The following WDR36 variants were observed in gnomAD, a reference collection of about 807,000 sequenced individuals.
WDR36 encodes the protein WD repeat domain 36.
Under a neutral mutation model 112.7 loss-of-function variants are expected in WDR36, and 63 were observed. The ratio of observed to expected loss-of-function variants is 0.56; its 90% CI spans 0.46 to 0.69. The LOEUF (loss-of-function observed/expected upper bound fraction) is 0.69, where lower values mean the gene tolerates loss of function less well. WDR36 is among the 30% of genes least tolerant of loss of function. The pLI, the probability that WDR36 is intolerant of heterozygous loss-of-function variation, is 0.00. For synonymous variants in WDR36, 410 were observed against 362.2 expected (o/e 1.13, Z -1.50); for missense variants, 1,226 against 1,070.3 (o/e 1.15, Z -2.03).
At chr5:111,120,711 A>G (rs1753546625) in intron 18 of WDR36, 118 bp downstream of exon 18, 17 of 895,936 alleles carry the variant, frequency 1.9e-5, no homozygotes, top group Non-Finnish European at 3.1e-5. Flanking sequence ...TAACTGATAT[A>G]AAAGACTTTG....
In WDR36 at chr5:111,113,921, A is replaced by G. The variant is rs546584031; in HGVS notation, c.1796+768A>G. ...CATTAATGAGGACAGAGTCCTCATG[A>G]TCCAATCACCTCTTAAAGGCACTCC... On this transcript the variant is annotated intron_variant, in intron 16 of 22. Transcript: ENST00000513710. Among the ~76,000 whole-genome samples, 120 of 152,312 alleles carry G rather than the reference A, an allele frequency of 7.9e-4. 1 individual carries two copies. Among genetic ancestry groups the G allele is most frequent in the African/African-American group, 2.9e-3 (120 of 41,578 alleles).
intron 19 of WDR36, among the ~76,000 whole-genome samples, chr5:111,122,496 T>A (rs1474041713): frequency 6.6e-6 from 1 of 152,202 alleles, no homozygotes; most frequent in Non-Finnish European, 1.5e-5. Flanking sequence ...TAAGACTAGA[T>A]AATTTCCAGG....
Position 111,130,048 on chromosome 5 carries a change from G to A in WDR36, c.*3165G>A. ...ATTACTTTGGTATGTTCTCAGATTTGGGTAAAGCCTTCCTCATGTTCTATA... is the reference window on the plus strand; with the variant it reads ...ATTACTTTGGTATGTTCTCAGATTTAGGTAAAGCCTTCCTCATGTTCTATA... On this transcript the variant is annotated 3_prime_UTR_variant, in exon 23 of 23. Transcript: ENST00000513710. 1 of 212,230 alleles carries A rather than the reference G, an allele frequency of 4.7e-6. No individual in the cohort carries two copies. Among genetic ancestry groups the A allele is most frequent in the Non-Finnish European group, 9.5e-6 (1 of 104,816 alleles). 13.1% of individuals were successfully genotyped at this position (212,230 alleles called of 1,614,324 possible).
At chr5:111,102,457 T>G (rs1274514344) in intron 6 of WDR36, 58 bp downstream of exon 6, 1 of 1,509,256 alleles carries the variant, frequency 6.6e-7, no homozygotes, top group African/African-American at 1.4e-5. Context: ...ATCCTTCAGT[T>G]TCAGGAATCA....
chr5:111,129,605 T>C lies in WDR36; in HGVS notation c.*2722T>C, dbSNP rs1449244888. 1 of 205,350 alleles carries C rather than the reference T, an allele frequency of 4.9e-6. No individual in the cohort carries two copies. Among genetic ancestry groups the C allele is most frequent in the Non-Finnish European group, 1.0e-5 (1 of 100,482 alleles). 12.7% of individuals were successfully genotyped at this position (205,350 alleles called of 1,614,324 possible). A position where few individuals can be genotyped will look rare whatever the true frequency, so the allele number is the denominator to read the frequency against. On this transcript the variant is annotated 3_prime_UTR_variant, in exon 23 of 23. Coordinates refer to ENST00000513710, the MANE Select transcript of WDR36 (RefSeq NM_139281.3). Reference sequence around the variant, plus strand: ...GATTTGTTAGGAGTTCTCTTGTATTTTCTGTATTTTATGTCTGTTGCCAAT... The same window carrying C: ...GATTTGTTAGGAGTTCTCTTGTATTCTCTGTATTTTATGTCTGTTGCCAAT...
At position 111,110,340 on chromosome 5, in the gene WDR36, A is replaced by G. The variant is rs60164325; in HGVS notation, c.1441+37A>G. 6 of 1,504,066 alleles carry G rather than the reference A, an allele frequency of 4.0e-6. No homozygotes were observed. In the African/African-American group the frequency reaches 5.5e-5, roughly 14 times the overall value. The allele number at this position is 1,504,066 out of a possible 1,614,324, so 93.2% of individuals were successfully genotyped here. A position where few individuals can be genotyped will look rare whatever the true frequency, so the allele number is the denominator to read the frequency against. ...TTTTCCTTGTTTTTTATTAATGTAG[A>G]TAGATACAAAACTAGTAGTGAAAGC... On this transcript the variant is annotated intron_variant, in intron 13 of 22. Transcript: ENST00000513710.
chr5:111,098,767 C>G lies in WDR36; in HGVS notation c.337C>G (p.Gln113Glu), dbSNP rs749857706. 5 of 1,612,634 alleles carry G rather than the reference C, an allele frequency of 3.1e-6. No individual in the cohort carries two copies. The highest frequency in any genetic ancestry group is 2.5e-6 in the Non-Finnish European group (3 of 1,179,030). Residue 113 changes from glutamine to glutamate, a missense_variant, in exon 4 of 23, where the codon CAA (glutamine) becomes GAA (glutamate). Gln to Glu is a conservative substitution (Grantham distance 29). Transcript: ENST00000513710. ...TCATAAGGCAGAAATCCATTTCTTG[C>G]AACCCTTTGGAGACCACATTATCTC... is the stretch of plus-strand genomic sequence containing the variant. ...KGHKAEIHFL[Q>E]PFGDHIISVD... is the part of the protein sequence containing the mutation.
At chr5:111,108,324 A>G (rs1048931889) in intron 12 of WDR36, among the ~76,000 whole-genome samples, 2 of 151,054 alleles carry the variant, frequency 1.3e-5, no homozygotes, top group Non-Finnish European at 3.0e-5. Flanking sequence ...TGATTTTTGC[A>G]TTATTGATCT....
At chr5:111,109,391 C>A (rs1753281619) in intron 12 of WDR36, among the ~76,000 whole-genome samples, 1 of 151,202 alleles carries the variant, frequency 6.6e-6, no homozygotes, top group East Asian at 1.9e-4. Flanking sequence ...TTATGTGATG[C>A]AATGTAAATA....
At chr5:111,096,292 G>A (rs1752978151) in intron 2 of WDR36, among the ~76,000 whole-genome samples, 1 of 152,134 alleles carries the variant, frequency 6.6e-6, no homozygotes, top group Admixed American at 6.5e-5. Flanking sequence ...TTAGGAATAG[G>A]CATATAGAAT....
chr5:111,106,796 T>A (rs552969043), intron 11 of WDR36, among the ~76,000 whole-genome samples: 1 of 151,512 alleles, frequency 6.6e-6, no homozygotes, highest in South Asian at 2.1e-4. Flanking sequence ...CCCTTTGTAG[T>A]GTGGTCCTGA....
Position 111,100,718 on chromosome 5 carries a change from C to A in WDR36, c.539C>A (p.Ser180Tyr). Reference protein sequence around the residue: ...QGSLQLWNVKSNKLLYTFPGW... With the variant: ...QGSLQLWNVKYNKLLYTFPGW... ...AGCCTGCAGTTGTGGAATGTAAAAT[C>A]CAAGTAAGTATTTTAGTTAGAAAAT... The change falls in exon 5 of 23, where the codon TCC (serine) becomes TAC (tyrosine). Residue 180 changes from serine to tyrosine, a missense_variant. Coordinates refer to ENST00000513710, the MANE Select transcript of WDR36 (RefSeq NM_139281.3). 6.2e-7 allele frequency: 1 copy of A among 1,608,052 alleles called. No homozygotes were observed. The highest frequency in any genetic ancestry group is 8.5e-7 in the Non-Finnish European group (1 of 1,176,114).
In WDR36 at chr5:111,108,112, C is replaced by G. The variant is rs551110968; in HGVS notation, c.1326+673C>G. Among the ~76,000 whole-genome samples, 4 of 151,310 alleles carry G rather than the reference C, an allele frequency of 2.6e-5. No individual in the cohort carries two copies. In the South Asian group the frequency reaches 8.3e-4, roughly 31 times the overall value. On this transcript the variant is annotated intron_variant, in intron 12 of 22. Coordinates refer to ENST00000513710, the MANE Select transcript of WDR36 (RefSeq NM_139281.3). Reference sequence around the variant, plus strand: ...TGATCTATGAACATGGGGTGTTTTTCCATTTGTTTAGATCTTCCTTAATTT... The same window carrying G: ...TGATCTATGAACATGGGGTGTTTTTGCATTTGTTTAGATCTTCCTTAATTT...
chr5:111,096,081 C>A (rs1321598174), intron 2 of WDR36, among the ~76,000 whole-genome samples: 2 of 152,100 alleles, frequency 1.3e-5, no homozygotes, highest in Non-Finnish European at 2.9e-5. Flanking sequence ...GTTATGCAAA[C>A]AAATACTAAT....
Position 111,094,996 on chromosome 5 carries a change from T to A in WDR36, c.190+49T>A, listed in dbSNP as rs535527557. 14 of 1,531,930 alleles carry A rather than the reference T, an allele frequency of 9.1e-6. No homozygotes were observed. The South Asian group carries it at 1.5e-4, about 17-fold the overall frequency. The allele number at this position is 1,531,930 out of a possible 1,614,324, so 94.9% of individuals were successfully genotyped here. A position where few individuals can be genotyped will look rare whatever the true frequency, so the allele number is the denominator to read the frequency against. The stretch of plus-strand genomic sequence containing the variant: ...TTTATGCACATCTAAACTTTTTTTT[T>A]ATTTTGACATAAATGTGAGACTTAC... On this transcript the variant is annotated intron_variant, in intron 2 of 22. Transcript: ENST00000513710.
rs1753170344 is a variant in WDR36 at position 111,103,931 on chromosome 5, A to G, written c.730+13A>G. 1 of 1,610,198 alleles carries G rather than the reference A, an allele frequency of 6.2e-7. No individual in the cohort carries two copies. The highest frequency in any genetic ancestry group is 1.3e-5 in the African/African-American group (1 of 74,830). Reference sequence around the variant, plus strand: ...TCATTTCGCACAGGTAACTTTTAACATACTTATTGATAGGAGTTAAGAACA... The same window carrying G: ...TCATTTCGCACAGGTAACTTTTAACGTACTTATTGATAGGAGTTAAGAACA... On this transcript the variant is annotated intron_variant, in intron 7 of 22. Transcript: ENST00000513710.
chr5:111,126,231 T>G (rs1193980175), intron 22 of WDR36, among the ~76,000 whole-genome samples: 1 of 152,128 alleles, frequency 6.6e-6, no homozygotes, highest in African/African-American at 2.4e-5. Context: ...AAGTTGGGTT[T>G]GTTTGTTTTT....
At chr5:111,114,780 T>A (rs745530733) in intron 16 of WDR36, among the ~76,000 whole-genome samples, 11 of 152,246 alleles carry the variant, frequency 7.2e-5, no homozygotes, top group Non-Finnish European at 1.3e-4. Context: ...TAATGTTATA[T>A]AATTTGAATT....
Position 111,123,932 on chromosome 5 carries a change from A to C in WDR36, c.2268+8A>C, listed in dbSNP as rs1561710772. 1 of 1,613,434 alleles carries C rather than the reference A, an allele frequency of 6.2e-7. No individual in the cohort carries two copies. Among genetic ancestry groups the C allele is most frequent in the East Asian group, 2.2e-5 (1 of 44,802 alleles). ...AATAATGATCCCCAGCAGGTAAAAA[A>C]CAAATTAGAAGATTCTAAGTATATC... On this transcript the variant is annotated splice_region_variant and intron_variant, in intron 20 of 22. Transcript: ENST00000513710.
Sources: gnomAD v4.1 joint callset for allele counts (sites outside exome capture counted in the v4.1 genomes callset) on GRCh38, gnomAD v4.1.1 for gene constraint, MANE v1.5 for transcripts, NCBI Gene and HGNC (gene_info 2026-07-23, HGNC 2026-07-21) for gene names.